TRAPPC9: variants seen among roughly 807,000 people sequenced by gnomAD.
TRAPPC9 encodes trafficking protein particle complex subunit 9.
A neutral mutation model predicts 124.0 loss-of-function variants in TRAPPC9; 83 were observed. The ratio of observed to expected loss-of-function variants is 0.67; its 90% CI spans 0.56 to 0.80. TRAPPC9 has a LOEUF of 0.80. Ranked by LOEUF, TRAPPC9 falls within the 30% of genes least tolerant of loss-of-function variation. The pLI is 0.00. For synonymous variants in TRAPPC9, 638 were observed against 617.5 expected, an observed-to-expected ratio of 1.03 and a Z score of -0.49; for missense variants, 1,302 against 1,508.3, an observed-to-expected ratio of 0.86 and a Z score of 2.27.
intron 16 of TRAPPC9, among the ~76,000 whole-genome samples, chr8:140,226,491 C>T (rs2063455302): frequency 6.7e-6 from 1 of 149,792 alleles, no homozygotes; most frequent in African/African-American, 2.5e-5. Flanking sequence ...ACTGGGGAGG[C>T]TAAGACAGGA....
chr8:139,916,040 G>A (rs750126075), intron 19 of TRAPPC9, among the ~76,000 whole-genome samples: 13 of 152,158 alleles, frequency 8.5e-5, no homozygotes, highest in Non-Finnish European at 1.5e-4. Flanking sequence ...ATCTTCCAAG[G>A]CAGGACTTCA....
chr8:139,804,719 G>A lies in TRAPPC9; in HGVS notation c.3056-72517C>T, dbSNP rs1429890962. Among the ~76,000 whole-genome samples, 40 of 52,958 alleles carry A rather than the reference G, an allele frequency of 7.6e-4. 1 individual carries two copies. Among genetic ancestry groups the A allele is most frequent in the Admixed American group, 1.4e-3 (6 of 4,408 alleles). The allele number at this position is 52,958 out of a possible 152,430, so 34.7% of individuals were successfully genotyped here. Reference sequence around the variant, plus strand: ...CCACCCACCACCACCACCCACCACCGGCACCAAGCACCACCACCACCACCA... The same window carrying A: ...CCACCCACCACCACCACCCACCACCAGCACCAAGCACCACCACCACCACCA... On this transcript the variant is annotated intron_variant, in intron 21 of 22. Coordinates refer to ENST00000438773, the MANE Select transcript of TRAPPC9 (RefSeq NM_001160372.4).
chr8:139,843,596 G>C (rs543894181), intron 21 of TRAPPC9, among the ~76,000 whole-genome samples: 2 of 152,278 alleles, frequency 1.3e-5, no homozygotes, highest in South Asian at 4.1e-4. Context: ...TAATCACCAG[G>C]GTCCTTAAAA....
At chr8:140,150,807 T>C (rs1342529073) in intron 17 of TRAPPC9, among the ~76,000 whole-genome samples, 2 of 130,274 alleles carry the variant, frequency 1.5e-5, no homozygotes, top group African/African-American at 6.0e-5. Flanking sequence ...CAACGCAGCC[T>C]CCAGGCTCGG....
chr8:139,740,803 C>T (rs546102343), intron 21 of TRAPPC9, among the ~76,000 whole-genome samples: 4 of 152,360 alleles, frequency 2.6e-5, no homozygotes, highest in African/African-American at 7.2e-5. Context: ...TCTCCACCTC[C>T]GGCTGTCGTG....
intron 17 of TRAPPC9, among the ~76,000 whole-genome samples, chr8:140,213,946 C>G (rs1297823706): frequency 1.3e-5 from 2 of 152,238 alleles, no homozygotes; most frequent in Non-Finnish European, 2.9e-5. Flanking sequence ...TGTCCGCTCC[C>G]TGACTGTTCA....
intron 17 of TRAPPC9, among the ~76,000 whole-genome samples, chr8:140,112,698 A>G (rs1326734989): frequency 6.6e-6 from 1 of 152,220 alleles, no homozygotes; most frequent in Non-Finnish European, 1.5e-5. Context: ...TAGAATGGCC[A>G]CATTCACAGG....
At position 140,257,001 on chromosome 8, in the gene TRAPPC9, G is replaced by A. The variant is rs149808341; in HGVS notation, c.2279-4072C>T. On this transcript the variant is annotated intron_variant, in intron 15 of 22. Transcript: ENST00000438773. The surrounding 1 kb of genome is among the most constrained non-coding windows in gnomAD (Gnocchi z 4.6). ...ACTACTTCCTGCTACTTCCATTACA[G>A]AACAGTCCCAGTAAGTGTTCAGGTG... 5.6e-4 allele frequency among the ~76,000 whole-genome samples: 85 copies of A among 152,260 alleles called. No homozygotes were observed. Among genetic ancestry groups the A allele is most frequent in the African/African-American group, 2.0e-3 (84 of 41,538 alleles).
intron 17 of TRAPPC9, among the ~76,000 whole-genome samples, chr8:140,090,620 G>A (rs1844504250): frequency 6.6e-6 from 1 of 152,250 alleles, no homozygotes; most frequent in Non-Finnish European, 1.5e-5. Context: ...TAGAGGTCCG[G>A]GCCAGGCCCT....
intron 18 of TRAPPC9, among the ~76,000 whole-genome samples, chr8:139,990,195 A>T (rs1295128867): frequency 1.3e-5 from 2 of 152,124 alleles, no homozygotes; most frequent in Non-Finnish European, 2.9e-5. Context: ...AAGGAAAGGG[A>T]CAATCGCCTG....
chr8:140,026,658 C>T (rs7834547), intron 17 of TRAPPC9, among the ~76,000 whole-genome samples: 68,791 of 151,782 alleles, frequency 0.45, 17,587 homozygotes, highest in Middle Eastern at 0.63. Context: ...CTATTTGAGT[C>T]CTTCAGTCTC....
intron 19 of TRAPPC9, among the ~76,000 whole-genome samples, chr8:139,970,319 A>C (rs972190293): frequency 6.6e-5 from 10 of 152,220 alleles, no homozygotes; most frequent in African/African-American, 2.2e-4. Flanking sequence ...AGTGCTGTTC[A>C]CAGCCTCAGT....
At chr8:139,865,933 G>C (rs1365032470) in intron 21 of TRAPPC9, among the ~76,000 whole-genome samples, 1 of 152,182 alleles carries the variant, frequency 6.6e-6, no homozygotes, top group East Asian at 1.9e-4. Context: ...ACATTTTAGG[G>C]AAGCCTGAGA....
chr8:140,180,321 G>A (rs2062169158), intron 17 of TRAPPC9, among the ~76,000 whole-genome samples: 1 of 151,778 alleles, frequency 6.6e-6, no homozygotes, highest in Non-Finnish European at 1.5e-5. Context: ...TATAATGTAA[G>A]AATCTACCAC....
intron 21 of TRAPPC9, among the ~76,000 whole-genome samples, chr8:139,842,081 A>C (rs1038384326): frequency 6.6e-6 from 1 of 152,248 alleles, no homozygotes; most frequent in African/African-American, 2.4e-5. Flanking sequence ...AGGCCGGTCC[A>C]TGAGGCCCTT....
chr8:140,291,517 T>C (rs747527341), intron 11 of TRAPPC9, among the ~76,000 whole-genome samples: 38 of 152,212 alleles, frequency 2.5e-4, no homozygotes, highest in Non-Finnish European at 1.2e-4. Context: ...CACTCCCAGG[T>C]CAACTGCAGT....
chr8:139,978,174 G>A (rs544386355), intron 19 of TRAPPC9, among the ~76,000 whole-genome samples: 50 of 152,310 alleles, frequency 3.3e-4, no homozygotes, highest in Middle Eastern at 3.4e-3. Flanking sequence ...CACGGCGCCC[G>A]GCTGAGGAAC....
chr8:140,428,054 C>A (rs911670002), intron 4 of TRAPPC9, among the ~76,000 whole-genome samples: 3 of 152,332 alleles, frequency 2.0e-5, no homozygotes, highest in Admixed American at 2.0e-4. Flanking sequence ...AAGGTCTGCA[C>A]TGAGCAGACG....
intron 21 of TRAPPC9, among the ~76,000 whole-genome samples, chr8:139,740,840 G>A (rs11991352): frequency 0.033 from 5,000 of 152,322 alleles, 279 homozygotes; most frequent in African/African-American, 0.11. Context: ...GGCTCCTGGA[G>A]GGCAGATGTG....
Sources: gnomAD v4.1 joint callset for allele counts (sites outside exome capture counted in the v4.1 genomes callset) on GRCh38, gnomAD v4.1.1 for gene constraint, Gnocchi (gnomAD v3.1) non-coding constraint, MANE v1.5 for transcripts, NCBI Gene and HGNC (gene_info 2026-07-23, HGNC 2026-07-21) for gene names.